SASH1: variants seen among roughly 807,000 people sequenced by gnomAD.
The protein encoded by SASH1 is SAM and SH3 domain-containing protein 1.
A neutral mutation model predicts 125.2 loss-of-function variants in SASH1; 44 were observed. The ratio of observed to expected loss-of-function variants is 0.35; its 90% confidence interval spans 0.28 to 0.45. The LOEUF (loss-of-function observed/expected upper bound fraction) is 0.45. SASH1 is among the 20% of genes least tolerant of loss of function. SASH1 has a pLI of 1.00. For missense variants in SASH1, 1,426 were observed against 1,614.5 expected (o/e 0.88, Z 2.00); for synonymous variants, 639 against 649.1 (o/e 0.98, Z 0.24).
rs2115478380 is a variant in SASH1 at position 148,549,583 on chromosome 6, G to A, written c.*1025G>A. The A allele has an allele frequency of 2.5e-6, 1 of 398,990 alleles. No homozygotes were observed. The highest frequency in any genetic ancestry group is 4.4e-6 in the Non-Finnish European group (1 of 226,028). 24.7% of individuals were successfully genotyped at this position (398,990 alleles called of 1,614,324 possible). On this transcript the variant is annotated 3_prime_UTR_variant, in exon 20 of 20. Transcript: ENST00000367467. ...GATCATGTTTGCAAAAGGTCACTGT[G>A]AGGCTGCATATTTCAGAAAGATGTC...
chr6:148,467,478 A>C (rs1777899653), intron 4 of SASH1, among the ~76,000 whole-genome samples: 1 of 152,152 alleles, frequency 6.6e-6, no homozygotes, highest in African/African-American at 2.4e-5. Flanking sequence ...CACACTTTTC[A>C]GATTATTTGG....
the SASH1 span, among the ~76,000 whole-genome samples, chr6:148,204,467 A>C: frequency 2.6e-5 from 4 of 152,294 alleles, no homozygotes; most frequent in Admixed American, 2.6e-4. Flanking sequence ...CAAGACAGGC[A>C]GATCTCCTGA....
chr6:148,499,048 CTTTTTT>C (rs1318198412), intron 8 of SASH1, among the ~76,000 whole-genome samples: 2 of 131,830 alleles, frequency 1.5e-5, no homozygotes, highest in Non-Finnish European at 3.3e-5. Context: ...TATCAAAATT[CTTTTTT>C]TTGTTTTTTT....
chr6:148,256,928 G>A, the SASH1 span, among the ~76,000 whole-genome samples: 1 of 152,070 alleles, frequency 6.6e-6, no homozygotes, highest in Non-Finnish European at 1.5e-5. Flanking sequence ...GAGAGCTTTG[G>A]GGGTGACAGG....
rs765124604 is a variant in SASH1, at chr6:148,548,443, C to T, written c.3629C>T (p.Pro1210Leu). The stretch of plus-strand genomic sequence containing the variant: ...GGCTTCAGCACACTGAGCCAAGTGC[C>T]TTCTCTGTCTCACACTTGCCTTCAG... Reference protein sequence around the residue: ...TAGFSTLSQVPSLSHTCLQEA... With the variant: ...TAGFSTLSQVLSLSHTCLQEA... Residue 1210 changes from proline (P) to leucine (L), a missense_variant, in exon 20 of 20, where the codon CCT (proline) becomes CTT (leucine). Transcript: ENST00000367467. 31 of 1,614,114 alleles carry T rather than the reference C, an allele frequency of 1.9e-5. No homozygotes were observed. In the South Asian group the frequency reaches 3.2e-4, roughly 17 times the overall value.
intron 1 of SASH1, among the ~76,000 whole-genome samples, chr6:148,365,396 C>T (rs1782408308): frequency 6.7e-6 from 1 of 148,984 alleles, no homozygotes; most frequent in African/African-American, 2.5e-5. Context: ...TTTATTGGAT[C>T]AAATTCTTTT....
At chr6:148,534,141 GAGTT>G (rs374938709) in intron 15 of SASH1, among the ~76,000 whole-genome samples, 161 bp downstream of exon 15, 1,578 of 152,318 alleles carry the variant, frequency 0.01, 30 homozygotes, top group African/African-American at 0.036. Flanking sequence ...TCTACAGAAA[GAGTT>G]AGTTAGTTAC....
intron 1 of SASH1, among the ~76,000 whole-genome samples, chr6:148,294,155 C>T (rs1381064108): frequency 6.6e-6 from 1 of 152,176 alleles, no homozygotes. Flanking sequence ...TCTAAAGAGG[C>T]GTGCTTGGAT....
rs550267994 is a variant in SASH1 at position 148,538,911 on chromosome 6, CACTT to C, written c.2096-1524_2096-1521del. On this transcript the variant is annotated intron_variant, in intron 16 of 19. Coordinates refer to ENST00000367467, the MANE Select transcript of SASH1 (RefSeq NM_015278.5). ...TTGGTTTCTGTTTTATGTGACCAAG[CACTT>C]ACTTACTCTGCATAATAATGCAAAG... 2.7e-3 allele frequency among the ~76,000 whole-genome samples: 404 copies of C among 152,308 alleles called. 1 individual carries two copies. The highest frequency in any genetic ancestry group is 9.3e-3 in the African/African-American group (385 of 41,568).
At chr6:148,334,321 G>T (rs1187271727) in intron 1 of SASH1, among the ~76,000 whole-genome samples, 3 of 148,210 alleles carry the variant, frequency 2.0e-5, no homozygotes, top group Admixed American at 2.0e-4. Flanking sequence ...CCAGCTACTC[G>T]GGAGGCTGAG....
At chr6:148,356,650 A>G (rs888981655) in intron 1 of SASH1, among the ~76,000 whole-genome samples, 1 of 148,722 alleles carries the variant, frequency 6.7e-6, no homozygotes, top group African/African-American at 2.5e-5. Context: ...TTGTATTTTT[A>G]GTAGAGACAG....
the SASH1 span, among the ~76,000 whole-genome samples, chr6:148,205,726 A>C: frequency 6.6e-6 from 1 of 152,172 alleles, no homozygotes; most frequent in Non-Finnish European, 1.5e-5. Flanking sequence ...AGACTAATCC[A>C]ACTATCCTAA....
At chr6:148,463,314 A>T (rs1014583661) in intron 4 of SASH1, among the ~76,000 whole-genome samples, 5 of 151,754 alleles carry the variant, frequency 3.3e-5, no homozygotes, top group Admixed American at 1.3e-4. Flanking sequence ...CTGGCTAATT[A>T]TTGTATTTTT....
intron 1 of SASH1, among the ~76,000 whole-genome samples, chr6:148,305,796 C>T (rs1780114244): frequency 6.6e-6 from 1 of 152,110 alleles, no homozygotes; most frequent in Admixed American, 6.6e-5. Flanking sequence ...GATAGTGACG[C>T]ACCAGAAACT....
chr6:148,529,045 T>C lies in SASH1; in HGVS notation c.1428+1449T>C, dbSNP rs1204299803. Reference sequence around the variant, plus strand: ...AATAGGATTCGTGCTCCTACGAGAATCTAATACCGCCGCTGATCTGACAGG... The same window carrying C: ...AATAGGATTCGTGCTCCTACGAGAACCTAATACCGCCGCTGATCTGACAGG... On this transcript the variant is annotated intron_variant, in intron 12 of 19. Transcript: ENST00000367467. The surrounding 1 kb of genome is among the most constrained non-coding windows in gnomAD (Gnocchi z 4.2). Among the ~76,000 whole-genome samples the C allele has an allele frequency of 6.6e-6, 1 of 152,026 alleles. No homozygotes were observed. The highest frequency in any genetic ancestry group is 1.9e-4 in the East Asian group (1 of 5,184).
chr6:148,394,565 G>A (rs552427327), intron 2 of SASH1, among the ~76,000 whole-genome samples: 1 of 152,198 alleles, frequency 6.6e-6, no homozygotes, highest in African/African-American at 2.4e-5. Flanking sequence ...CTGGCTGCTT[G>A]GTTGGCACAA....
intron 1 of SASH1, among the ~76,000 whole-genome samples, chr6:148,295,204 G>C (rs1374333483): frequency 6.6e-6 from 1 of 152,098 alleles, no homozygotes; most frequent in Non-Finnish European, 1.5e-5. Context: ...CCCACTTTTA[G>C]GTAGTTTAAA....
chr6:148,210,005 G>A, the SASH1 span, among the ~76,000 whole-genome samples: 9 of 152,324 alleles, frequency 5.9e-5, no homozygotes, highest in East Asian at 1.5e-3. Flanking sequence ...AACATAGATT[G>A]TAAGCAAAAG....
intron 16 of SASH1, among the ~76,000 whole-genome samples, chr6:148,536,435 G>A (rs987053162): frequency 2.6e-5 from 4 of 152,178 alleles, no homozygotes; most frequent in Non-Finnish European, 4.4e-5. Context: ...CGCCTCCCGG[G>A]TTCAAGCAAT....
Sources: gnomAD v4.1 joint callset for allele counts (sites outside exome capture counted in the v4.1 genomes callset) on GRCh38, gnomAD v4.1.1 for gene constraint, Gnocchi (gnomAD v3.1) non-coding constraint, MANE v1.5 for transcripts, NCBI Gene and HGNC (gene_info 2026-07-23, HGNC 2026-07-21) for gene names.